Variants in DOCK1 observed in about 807,000 individuals in gnomAD.
DOCK1 encodes dedicator of cytokinesis protein 1.
Under a neutral mutation model 262.7 loss-of-function variants are expected in DOCK1, and 138 were observed. The observed-to-expected ratio is 0.53, with a 90% confidence interval of 0.46 to 0.61. The LOEUF (loss-of-function observed/expected upper bound fraction) is 0.61, where lower values mean the gene tolerates loss of function less well. DOCK1 is among the 20% of genes least tolerant of loss of function. The pLI is 0.00. For missense variants in DOCK1, 1,908 were observed against 2,370.7 expected, an observed-to-expected ratio of 0.80 and a Z score of 4.05; for synonymous variants, 866 against 867.4, an observed-to-expected ratio of 1.00 and a Z score of 0.03.
chr10:127,221,701 T>C (rs1206268307), intron 27 of DOCK1, among the ~76,000 whole-genome samples: 1 of 152,242 alleles, frequency 6.6e-6, no homozygotes, highest in Non-Finnish European at 1.5e-5. Flanking sequence ...GGTGTCACTC[T>C]GGGCAGAGCT....
chr10:127,434,985 T>C (rs775586949), intron 48 of DOCK1, among the ~76,000 whole-genome samples: 1 of 152,176 alleles, frequency 6.6e-6, no homozygotes, highest in Non-Finnish European at 1.5e-5. Flanking sequence ...ATTTTGACTA[T>C]TCTAAATACT....
chr10:126,951,257 A>G (rs1304958846), intron 1 of DOCK1, among the ~76,000 whole-genome samples: 1 of 145,322 alleles, frequency 6.9e-6, no homozygotes, highest in Non-Finnish European at 1.5e-5. Context: ...AATATTAGTG[A>G]TAGTGGTGGT....
intron 9 of DOCK1, 61 bp from the exon 10 acceptor site, chr10:127,000,111 C>T: frequency 6.3e-7 from 1 of 1,581,902 alleles, no homozygotes; most frequent in Admixed American, 1.7e-5. Context: ...CTGTCCTTTT[C>T]ATTGGAGCTT....
chr10:126,968,722 A>G (rs1218646804), intron 1 of DOCK1, among the ~76,000 whole-genome samples: 1 of 152,134 alleles, frequency 6.6e-6, no homozygotes, highest in Non-Finnish European at 1.5e-5. Flanking sequence ...ACTGTGATAG[A>G]TGTATTTATG....
intron 29 of DOCK1, among the ~76,000 whole-genome samples, chr10:127,288,308 T>C (rs1229823527): frequency 1.3e-5 from 2 of 152,170 alleles, no homozygotes; most frequent in East Asian, 1.9e-4. Flanking sequence ...CTCAGGTTGA[T>C]CTTTTACATT....
chr10:127,335,458 C>T (rs1157708658), intron 29 of DOCK1, among the ~76,000 whole-genome samples: 5 of 152,286 alleles, frequency 3.3e-5, no homozygotes, highest in South Asian at 4.1e-4. Context: ...TAACAGAAAG[C>T]GGATTGGTAT....
In DOCK1 at chr10:126,991,033, T is replaced by C. The variant is rs530364666; in HGVS notation, c.473+430T>C. Among the ~76,000 whole-genome samples, 12 of 152,308 alleles carry C rather than the reference T, an allele frequency of 7.9e-5. No individual in the cohort carries two copies. The East Asian group carries it at 2.3e-3, about 29-fold the overall frequency. ...GAGTGGACATTAGATCACTGGAAAG[T>C]TTGTCACCTGTGTAGGCTTGCCAGT... On this transcript the variant is annotated intron_variant, in intron 6 of 51. Coordinates refer to ENST00000623213, the MANE Select transcript of DOCK1 (RefSeq NM_001290223.2).
At chr10:127,364,899 C>A (rs2064816077) in intron 33 of DOCK1, among the ~76,000 whole-genome samples, 1 of 151,778 alleles carries the variant, frequency 6.6e-6, no homozygotes, top group Non-Finnish European at 1.5e-5. Flanking sequence ...GAAGGTCTCC[C>A]TGTATTTATT....
rs148516207 is a variant in DOCK1, at chr10:127,274,897, G to A, written c.3044+17468G>A. 3.2e-3 allele frequency among the ~76,000 whole-genome samples: 493 copies of A among 152,246 alleles called. 2 individuals are homozygous for A. Among genetic ancestry groups the A allele is most frequent in the African/African-American group, 0.01 (426 of 41,542 alleles). ...GGTGTGCTTTGGAGGACCACAAGCA[G>A]AATAATATCTAAAATGTTCTTTACC... On this transcript the variant is annotated intron_variant, in intron 29 of 51. Coordinates refer to ENST00000623213, the MANE Select transcript of DOCK1 (RefSeq NM_001290223.2).
intron 27 of DOCK1, among the ~76,000 whole-genome samples, chr10:127,201,618 G>A (rs2057463673): frequency 6.6e-6 from 1 of 151,934 alleles, no homozygotes; most frequent in South Asian, 2.1e-4. Context: ...TTTTTCTAAT[G>A]CTCCCTGCAA....
intron 27 of DOCK1, among the ~76,000 whole-genome samples, chr10:127,131,863 T>G (rs1185589861): frequency 6.6e-6 from 1 of 152,234 alleles, no homozygotes; most frequent in Non-Finnish European, 1.5e-5. Context: ...GTTACTCATT[T>G]TTGCTAAATA....
At chr10:126,971,216 A>G (rs530081685) in intron 2 of DOCK1, among the ~76,000 whole-genome samples, 6 of 151,566 alleles carry the variant, frequency 4.0e-5, no homozygotes, top group Non-Finnish European at 8.8e-5. Flanking sequence ...ATGCCTGGCA[A>G]ATTTTTTTGT....
chr10:127,333,761 G>A (rs1447608477), intron 29 of DOCK1, among the ~76,000 whole-genome samples: 3 of 152,198 alleles, frequency 2.0e-5, no homozygotes, highest in South Asian at 2.1e-4. Context: ...TCCCAAAGAC[G>A]CGCAGAACTG....
At chr10:127,082,072 T>C (rs1378946067) in intron 23 of DOCK1, among the ~76,000 whole-genome samples, 1 of 152,186 alleles carries the variant, frequency 6.6e-6, no homozygotes, top group African/African-American at 2.4e-5. Flanking sequence ...GATTTTGTCA[T>C]GTTAGTTCCT....
intron 10 of DOCK1, among the ~76,000 whole-genome samples, chr10:127,005,735 T>G (rs2040966582): frequency 6.6e-6 from 1 of 152,216 alleles, no homozygotes; most frequent in Non-Finnish European, 1.5e-5. Context: ...TCTGATATGT[T>G]TGTTTCCAAA....
At chr10:127,421,523 T>C (rs1213918784) in intron 46 of DOCK1, among the ~76,000 whole-genome samples, 1 of 152,138 alleles carries the variant, frequency 6.6e-6, no homozygotes, top group Non-Finnish European at 1.5e-5. Context: ...TCAGAGGCAA[T>C]AAGTACATTC....
At chr10:127,102,499 A>G (rs2048310343) in intron 23 of DOCK1, among the ~76,000 whole-genome samples, 1 of 152,228 alleles carries the variant, frequency 6.6e-6, no homozygotes, top group South Asian at 2.1e-4. Context: ...ATAGCTATGG[A>G]AATATTCCCA....
intron 27 of DOCK1, among the ~76,000 whole-genome samples, chr10:127,190,843 G>A (rs1387469473): frequency 6.6e-6 from 1 of 151,812 alleles, no homozygotes; most frequent in East Asian, 1.9e-4. Flanking sequence ...ACTTCCCAGT[G>A]CTACTGAGAC....
At chr10:127,416,385 C>T (rs1178762765) in intron 44 of DOCK1, among the ~76,000 whole-genome samples, 1 of 152,212 alleles carries the variant, frequency 6.6e-6, no homozygotes, top group Non-Finnish European at 1.5e-5. Context: ...GGCCCTCCAC[C>T]TAAACAGGCC....
Sources: gnomAD v4.1 joint callset for allele counts (sites outside exome capture counted in the v4.1 genomes callset) on GRCh38, gnomAD v4.1.1 for gene constraint, MANE v1.5 for transcripts, NCBI Gene and HGNC (gene_info 2026-07-23, HGNC 2026-07-21) for gene names.